PRKAR1A: variants seen among roughly 807,000 people sequenced by gnomAD.
PRKAR1A encodes cAMP-dependent protein kinase type I-alpha regulatory subunit.
In PRKAR1A, 3 loss-of-function variants were observed where a neutral mutation model predicts 52.0. That is an observed-to-expected ratio of 0.06 (90% CI 0.03 to 0.15). The LOEUF (loss-of-function observed/expected upper bound fraction) is 0.15, where lower values mean the gene tolerates loss of function less well. Ranked by LOEUF, PRKAR1A falls within the 10% of genes least tolerant of loss-of-function variation. The pLI is 1.00. For missense variants in PRKAR1A, 240 were observed against 477.4 expected (o/e 0.50, Z 4.63); for synonymous variants, 188 against 168.4 (o/e 1.12, Z -0.90).
chr17:68,420,045 A>AT, the PRKAR1A span: 1 of 947,128 alleles, frequency 1.1e-6, no homozygotes, highest in Non-Finnish European at 1.6e-6. Flanking sequence ...TCAAGGTAAT[A>AT]TTTCTTTGAC....
At chr17:68,498,892 C>G in the PRKAR1A span, among the ~76,000 whole-genome samples, 1 of 152,220 alleles carries the variant, frequency 6.6e-6, no homozygotes, top group East Asian at 1.9e-4. Flanking sequence ...CTGTAGCTCT[C>G]AGGTGGAAGT....
intron 11 of PRKAR1A, chr17:68,539,816 C>G: frequency 6.7e-7 from 1 of 1,498,514 alleles, no homozygotes; most frequent in South Asian, 1.1e-5. Flanking sequence ...CTGTTTCCCC[C>G]GAGCAGCTGG....
At chr17:68,425,917 A>G in the PRKAR1A span, 21 of 632,234 alleles carry the variant, frequency 3.3e-5, no homozygotes, top group Non-Finnish European at 5.2e-5. Context: ...CGAAGCACAC[A>G]GTACAACAAA....
the PRKAR1A span, among the ~76,000 whole-genome samples, chr17:68,426,675 A>C: frequency 1.9e-4 from 29 of 152,044 alleles, no homozygotes. Context: ...TGGGATTGCA[A>C]GTGTGTGCCA....
chr17:68,455,675 G>A, the PRKAR1A span, among the ~76,000 whole-genome samples: 2 of 152,206 alleles, frequency 1.3e-5, no homozygotes, highest in Non-Finnish European at 2.9e-5. Context: ...AAAACTAACA[G>A]TAGGGAGTAA....
chr17:68,436,364 A>G, the PRKAR1A span: 1 of 1,611,874 alleles, frequency 6.2e-7, no homozygotes, highest in Admixed American at 1.7e-5. Context: ...TGGCTCAGCC[A>G]GGTCACCGTC....
At chr17:68,524,886 C>T in intron 5 of PRKAR1A, 26 bp from the exon 6 acceptor site, 1 of 1,566,322 alleles carries the variant, frequency 6.4e-7, no homozygotes, top group Non-Finnish European at 8.8e-7. Flanking sequence ...TTGGAATATG[C>T]TTCTAACTTT....
rs780068318 is a variant in PRKAR1A at position 68,524,964 on chromosome 17, A to T, written c.549+6A>T. Reference sequence around the variant, plus strand: ...TTGATCAAGGAGAGACGGATGTAAGATTTACCAATATCAAAAATATGTTGA... The same window carrying T: ...TTGATCAAGGAGAGACGGATGTAAGTTTTACCAATATCAAAAATATGTTGA... On this transcript the variant is annotated splice_donor_region_variant and intron_variant, in intron 6 of 10. Transcript: ENST00000589228. 5 of 1,598,984 alleles carry T rather than the reference A, an allele frequency of 3.1e-6. No homozygotes were observed. In the Admixed American group the frequency reaches 8.3e-5, roughly 27 times the overall value.
At chr17:68,475,616 A>G in the PRKAR1A span, among the ~76,000 whole-genome samples, 3 of 152,158 alleles carry the variant, frequency 2.0e-5, no homozygotes, top group African/African-American at 4.8e-5. Context: ...GGCGTGTGCC[A>G]CCACGCCTGG....
chr17:68,462,865 G>C, the PRKAR1A span, among the ~76,000 whole-genome samples: 4 of 152,190 alleles, frequency 2.6e-5, no homozygotes, highest in Non-Finnish European at 5.9e-5. Flanking sequence ...GGAGAGTGTG[G>C]AGTCCTGCAG....
chr17:68,451,118 C>T, the PRKAR1A span, among the ~76,000 whole-genome samples: 2 of 152,218 alleles, frequency 1.3e-5, no homozygotes, highest in Non-Finnish European at 2.9e-5. Context: ...AGAGTCCTTT[C>T]CAAATATCTA....
the PRKAR1A span, among the ~76,000 whole-genome samples, chr17:68,466,045 T>TA: frequency 6.6e-6 from 1 of 152,172 alleles, no homozygotes; most frequent in African/African-American, 2.4e-5. Flanking sequence ...GTTGTCAGTG[T>TA]AACTTGGGTT....
At chr17:68,539,990 C>A (rs762927013) in intron 11 of PRKAR1A, 3 of 1,609,608 alleles carry the variant, frequency 1.9e-6, no homozygotes, top group Middle Eastern at 1.7e-4. Context: ...GAGGACTTAG[C>A]TGGAACCAGC....
At chr17:68,417,407 G>T in the PRKAR1A span, among the ~76,000 whole-genome samples, 1 of 152,182 alleles carries the variant, frequency 6.6e-6, no homozygotes, top group Non-Finnish European at 1.5e-5. Flanking sequence ...AGTATTTACT[G>T]TAAGAACTTG....
At chr17:68,525,601 CCTATT>C (rs2143318272) in intron 6 of PRKAR1A, among the ~76,000 whole-genome samples, 148 bp from the exon 7 acceptor site, 1 of 152,238 alleles carries the variant, frequency 6.6e-6, no homozygotes, top group South Asian at 2.1e-4. Context: ...TCAGAAATCA[CCTATT>C]CTTCTCTGTT....
rs961130858 is a variant in PRKAR1A, at chr17:68,545,091, C to T, written c.974-5993C>T. Among the ~76,000 whole-genome samples the T allele has an allele frequency of 8.5e-5, 13 of 152,116 alleles. No homozygotes were observed. In the East Asian group the frequency reaches 1.9e-3, roughly 23 times the overall value. On this transcript the variant is annotated intron_variant, in intron 11 of 11. Transcript: ENST00000585981. ...TCTTTAATCAGAAAAAAATGGTGTT[C>T]GCCTTAAATTACTTACAGAAAAATA...
chr17:68,536,419 A>G, downstream of PRKAR1A: 1 of 454,140 alleles, frequency 2.2e-6, no homozygotes, highest in Non-Finnish European at 4.4e-6. Context: ...AAGGAGTTTC[A>G]GATATCAACA....
At chr17:68,511,284 C>CA (rs1461357459), upstream of PRKAR1A, among the ~76,000 whole-genome samples, 2 of 152,186 alleles carry the variant, frequency 1.3e-5, no homozygotes, top group Non-Finnish European at 2.9e-5. Flanking sequence ...CCTAGCCAGA[C>CA]ACTTGGACAT....
the PRKAR1A span, among the ~76,000 whole-genome samples, chr17:68,429,316 A>G: frequency 2.0e-5 from 3 of 152,246 alleles, no homozygotes; most frequent in Non-Finnish European, 4.4e-5. Context: ...TTTGCTGGTT[A>G]GTTTTGTGAA....
Sources: gnomAD v4.1 joint callset for allele counts (sites outside exome capture counted in the v4.1 genomes callset) on GRCh38, gnomAD v4.1.1 for gene constraint, MANE v1.5 for transcripts, NCBI Gene and HGNC (gene_info 2026-07-23, HGNC 2026-07-21) for gene names.